Variants in PDE12 observed in about 807,000 individuals in gnomAD.
The protein encoded by PDE12 is 2',5'-phosphodiesterase 12.
A neutral mutation model predicts 45.4 loss-of-function variants in PDE12; 26 were observed. The ratio of observed to expected loss-of-function variants is 0.57; its 90% CI spans 0.42 to 0.79. The LOEUF is 0.79. PDE12 is among the 30% of genes least tolerant of loss of function. PDE12 has a pLI of 0.00. For synonymous variants in PDE12, 283 were observed against 323.9 expected, an observed-to-expected ratio of 0.87 and a Z score of 1.36; for missense variants, 668 against 790.0, an observed-to-expected ratio of 0.85 and a Z score of 1.85.
At position 57,566,057 on chromosome 3, in the gene PDE12, C is replaced by G. The variant is rs1486442084; in HGVS notation, c.*6053C>G. Reference sequence around the variant, plus strand: ...CAGGCCAGCACAGTGGCTCACGTCACATAATCCCACTCTCCTTAAGAGCTT... The same window carrying G: ...CAGGCCAGCACAGTGGCTCACGTCAGATAATCCCACTCTCCTTAAGAGCTT... On this transcript the variant is annotated 3_prime_UTR_variant, in exon 3 of 3. Transcript: ENST00000311180. 6.6e-6 allele frequency: 1 copy of G among 152,060 alleles called. No individual in the cohort carries two copies. The highest frequency in any genetic ancestry group is 6.5e-5 in the Admixed American group (1 of 15,280). The allele number at this position is 152,060 out of a possible 1,614,324, so 9.4% of individuals were successfully genotyped here. A position where few individuals can be genotyped will look rare whatever the true frequency, so the allele number is the denominator to read the frequency against.
the PDE12 span, among the ~76,000 whole-genome samples, chr3:57,589,124 G>A: frequency 1.3e-5 from 2 of 151,774 alleles, no homozygotes; most frequent in African/African-American, 2.4e-5. Flanking sequence ...AAAATTAGCC[G>A]GTTGTGATGG....
the PDE12 span, chr3:57,627,171 TCTCA>T: frequency 6.6e-6 from 1 of 152,208 alleles, no homozygotes; most frequent in African/African-American, 2.4e-5. Context: ...TGAGACACAG[TCTCA>T]CTGTGTCACC....
chr3:57,606,165 A>G, the PDE12 span, among the ~76,000 whole-genome samples: 1 of 152,162 alleles, frequency 6.6e-6, no homozygotes, highest in Admixed American at 6.6e-5. Flanking sequence ...AAACATGGAG[A>G]AAATTATATC....
At chr3:57,629,612 C>T in the PDE12 span, among the ~76,000 whole-genome samples, 3 of 150,048 alleles carry the variant, frequency 2.0e-5, no homozygotes, top group Admixed American at 6.7e-5. Context: ...CCCGGGTTCA[C>T]GCCATTCTCC....
At chr3:57,582,836 T>A in the PDE12 span, among the ~76,000 whole-genome samples, 2 of 152,248 alleles carry the variant, frequency 1.3e-5, no homozygotes, top group South Asian at 2.1e-4. Context: ...TAAACAAAGG[T>A]AGAGTGAGAA....
the PDE12 span, among the ~76,000 whole-genome samples, chr3:57,605,103 A>C: frequency 2.0e-5 from 3 of 152,206 alleles, no homozygotes; most frequent in African/African-American, 7.2e-5. Flanking sequence ...TTCCTAAAAG[A>C]GAAGGCACAA....
the PDE12 span, chr3:57,625,901 C>G: frequency 2.0e-5 from 3 of 152,468 alleles, no homozygotes; most frequent in African/African-American, 7.3e-5. Context: ...CCTGTAGTGG[C>G]ATAATTTAAA....
the PDE12 span, among the ~76,000 whole-genome samples, chr3:57,649,897 T>C: frequency 7.7e-6 from 1 of 130,674 alleles, no homozygotes; most frequent in East Asian, 2.1e-4. Context: ...TTCCCCTTTT[T>C]GGGCTCTGAC....
the PDE12 span, among the ~76,000 whole-genome samples, chr3:57,614,542 T>C: frequency 8.2e-6 from 1 of 122,086 alleles, no homozygotes; most frequent in African/African-American, 3.3e-5. Context: ...TTTTTGTTTT[T>C]TGTTTTTTTT....
At chr3:57,631,745 C>T in the PDE12 span, among the ~76,000 whole-genome samples, 41 of 104,172 alleles carry the variant, frequency 3.9e-4, no homozygotes, top group East Asian at 1.6e-3. Context: ...TTTTTTGAGA[C>T]GGAGTCTCAC....
chr3:57,594,525 T>C, the PDE12 span, among the ~76,000 whole-genome samples: 1 of 152,252 alleles, frequency 6.6e-6, no homozygotes, highest in African/African-American at 2.4e-5. Context: ...GGTTTTTTAA[T>C]TACAGTTAAC....
chr3:57,631,149 T>A, the PDE12 span: 1 of 589,640 alleles, frequency 1.7e-6, no homozygotes, highest in South Asian at 2.4e-5. Flanking sequence ...ACTTGGGAAG[T>A]CAGATTTCAA....
the PDE12 span, among the ~76,000 whole-genome samples, chr3:57,655,753 A>G: frequency 6.6e-6 from 1 of 152,338 alleles, no homozygotes; most frequent in South Asian, 2.1e-4. Flanking sequence ...CAAATGCAAA[A>G]AAGTCCAAAA....
intron 1 of PDE12, among the ~76,000 whole-genome samples, chr3:57,558,107 T>A (rs2069686591): frequency 2.6e-5 from 4 of 152,166 alleles, no homozygotes; most frequent in Admixed American, 2.0e-4. Flanking sequence ...ATAGGCTCAT[T>A]GAATCTTCAC....
chr3:57,596,678 T>A, the PDE12 span: 295 of 195,254 alleles, frequency 1.5e-3, 1 homozygote, highest in Middle Eastern at 0.013. Flanking sequence ...GGAGTTGCTC[T>A]GCCTCCCTCC....
At chr3:57,607,013 C>T in the PDE12 span, among the ~76,000 whole-genome samples, 1 of 152,292 alleles carries the variant, frequency 6.6e-6, no homozygotes, top group Non-Finnish European at 1.5e-5. Flanking sequence ...GGCAGACTGA[C>T]ACCCCACACA....
downstream of PDE12, among the ~76,000 whole-genome samples, chr3:57,567,704 T>C (rs1281302751): frequency 6.6e-6 from 1 of 152,170 alleles, no homozygotes; most frequent in Non-Finnish European, 1.5e-5. Context: ...TTCATACTAA[T>C]TCTACCAAAG....
At chr3:57,640,673 G>C in the PDE12 span, among the ~76,000 whole-genome samples, 2 of 152,304 alleles carry the variant, frequency 1.3e-5, no homozygotes, top group Admixed American at 6.5e-5. Context: ...CCATTGTCAT[G>C]TCGGAGAGAT....
chr3:57,639,330 G>C, the PDE12 span, among the ~76,000 whole-genome samples: 3 of 152,076 alleles, frequency 2.0e-5, no homozygotes, highest in Non-Finnish European at 2.9e-5. Flanking sequence ...TAAACTGATG[G>C]GCCACTTTGG....
Sources: gnomAD v4.1 joint callset for allele counts (sites outside exome capture counted in the v4.1 genomes callset) on GRCh38, gnomAD v4.1.1 for gene constraint, MANE v1.5 for transcripts, NCBI Gene and HGNC (gene_info 2026-07-23, HGNC 2026-07-21) for gene names.